Variants in ARFGEF2 observed in about 807,000 individuals in gnomAD.
ARFGEF2 encodes the protein brefeldin A-inhibited guanine nucleotide-exchange protein 2.
Under a neutral mutation model 219.9 loss-of-function variants are expected in ARFGEF2, and 74 were observed. That is an observed-to-expected ratio of 0.34 (90% CI 0.28 to 0.41). The LOEUF is 0.41. ARFGEF2 is among the 10% of genes least tolerant of loss of function. ARFGEF2 has a pLI of 1.00. For synonymous variants in ARFGEF2, 733 were observed against 799.2 expected, an observed-to-expected ratio of 0.92 and a Z score of 1.40; for missense variants, 1,743 against 2,218.3, an observed-to-expected ratio of 0.79 and a Z score of 4.30.
chr20:48,923,505 C>T (rs1291263806), intron 1 of ARFGEF2, among the ~76,000 whole-genome samples: 1 of 152,070 alleles, frequency 6.6e-6, no homozygotes, highest in Non-Finnish European at 1.5e-5. Flanking sequence ...GTTGCTAGTC[C>T]GTGAAATTCA....
intron 10 of ARFGEF2, 135 bp from the exon 11 acceptor site, chr20:48,972,191 G>C: frequency 2.9e-6 from 2 of 699,976 alleles, no homozygotes; most frequent in Non-Finnish European, 5.2e-6. Flanking sequence ...GCCCAGCCAG[G>C]TGGGCACTCC....
At chr20:48,999,487 G>A (rs1194640668) in intron 25 of ARFGEF2, among the ~76,000 whole-genome samples, 4 of 152,122 alleles carry the variant, frequency 2.6e-5, no homozygotes, top group East Asian at 1.9e-4. Context: ...CATGGCTCAC[G>A]CCTGTAATCC....
At chr20:49,025,982 GAA>G (rs3092702) in intron 36 of ARFGEF2, among the ~76,000 whole-genome samples, 7 of 127,800 alleles carry the variant, frequency 5.5e-5, no homozygotes, top group Non-Finnish European at 8.3e-5. Context: ...ACTCCATCTG[GAA>G]AAAAAAAAAA....
chr20:48,951,896 C>G (rs1275349959), intron 4 of ARFGEF2, among the ~76,000 whole-genome samples: 1 of 152,036 alleles, frequency 6.6e-6, no homozygotes, highest in Admixed American at 6.6e-5. Context: ...AGGATCAGGA[C>G]AGGTGTAGCC....
Position 48,973,170 on chromosome 20 carries a change from T to C in ARFGEF2, c.1551T>C (p.Tyr517=). ...ATGCCCAGTGTGTTGTGGATATTTA[T>C]GTCAACTACGACTGTGATTTAAATG... The part of the protein sequence containing the change: ...CADAQCVVDI[Y]VNYDCDLNAA... The change falls in exon 12 of 39, where the codon TAT becomes TAC. Residue 517 remains tyrosine (Y), a synonymous_variant. Transcript: ENST00000371917. 1 of 1,614,204 alleles carries C rather than the reference T, an allele frequency of 6.2e-7. No homozygotes were observed.
intron 22 of ARFGEF2, among the ~76,000 whole-genome samples, chr20:48,994,950 C>G (rs760771489): frequency 3.3e-5 from 5 of 152,096 alleles, no homozygotes; most frequent in Non-Finnish European, 7.3e-5. Context: ...AACATTTCTT[C>G]CATCTTTATT....
At chr20:48,936,717 G>A (rs1388361997) in intron 1 of ARFGEF2, among the ~76,000 whole-genome samples, 1 of 152,066 alleles carries the variant, frequency 6.6e-6, no homozygotes, top group Non-Finnish European at 1.5e-5. Flanking sequence ...AGTAGAGATG[G>A]GGTTTCTCTA....
At chr20:49,028,461 T>A in intron 36 of ARFGEF2, 69 bp from the exon 37 acceptor site, 1 of 1,463,488 alleles carries the variant, frequency 6.8e-7, no homozygotes, top group Non-Finnish European at 9.5e-7. Context: ...TAACTAGATT[T>A]CTAGTCATAC....
chr20:48,952,148 C>CTTT (rs11475141), intron 4 of ARFGEF2, among the ~76,000 whole-genome samples: 31 of 55,488 alleles, frequency 5.6e-4, no homozygotes, highest in African/African-American at 8.4e-4. Flanking sequence ...GAAGTTTGGC[C>CTTT]TTTTTTTTTT....
rs1447634910 is a variant in ARFGEF2, at chr20:48,976,089, G to A, written c.1848G>A (p.Thr616=). The A allele has an allele frequency of 6.8e-6, 11 of 1,613,366 alleles. No homozygotes were observed. Among genetic ancestry groups the A allele is most frequent in the South Asian group, 4.4e-5 (4 of 91,044 alleles). ...ACATGGCAAGACGGTGTAGTGTGAC[G>A]TCCATGGAGTCCACAGTGTCCTCGG... The part of the protein sequence containing the change: ...GLDMARRCSV[T]SMESTVSSGT... The change falls in exon 14 of 39, where the codon ACG becomes ACA. Residue 616 remains threonine (T), a synonymous_variant. Coordinates refer to ENST00000371917, the MANE Select transcript of ARFGEF2 (RefSeq NM_006420.3).
Position 48,998,304 on chromosome 20 carries a change from G to A in ARFGEF2, c.3263-32G>A, listed in dbSNP as rs376003844. On this transcript the variant is annotated intron_variant, in intron 24 of 38. Transcript: ENST00000371917. ...TGACCGTCTGACTGTTCCTAACGAG[G>A]CTTTGCTTGTGTTGTTGGGTCTGGC... 6 of 1,614,098 alleles carry A rather than the reference G, an allele frequency of 3.7e-6. No individual in the cohort carries two copies. In the African/African-American group the frequency reaches 8.0e-5, roughly 22 times the overall value.
chr20:48,976,012 G>T lies in ARFGEF2; in HGVS notation c.1775-4G>T, dbSNP rs372571868. The T allele has an allele frequency of 1.1e-5, 18 of 1,612,016 alleles. No homozygotes were observed. The African/African-American group carries it at 2.1e-4, about 19-fold the overall frequency. On this transcript the variant is annotated splice_polypyrimidine_tract_variant and splice_region_variant and intron_variant, in intron 13 of 38. Coordinates refer to ENST00000371917, the MANE Select transcript of ARFGEF2 (RefSeq NM_006420.3). ...TGGCTTCCTTTACTTTTGTTTCTCC[G>T]CAGGTCAGGAGAGGCTCACGGATCA...
chr20:49,006,374 G>A (rs181741106), intron 26 of ARFGEF2, among the ~76,000 whole-genome samples: 4 of 152,226 alleles, frequency 2.6e-5, no homozygotes, highest in African/African-American at 7.2e-5. Flanking sequence ...GGTGTGATGG[G>A]CATACAGGAG....
chr20:48,950,768 C>T (rs1383776027), intron 3 of ARFGEF2, among the ~76,000 whole-genome samples: 1 of 127,268 alleles, frequency 7.9e-6, no homozygotes, highest in Non-Finnish European at 1.6e-5. Context: ...TTCATTCCAG[C>T]CTAGGTAACA....
At chr20:48,952,242 A>T (rs1440736406) in intron 4 of ARFGEF2, among the ~76,000 whole-genome samples, 1 of 130,256 alleles carries the variant, frequency 7.7e-6, no homozygotes, top group Non-Finnish European at 1.5e-5. Flanking sequence ...TGCAAACTCC[A>T]CCTCACAGGT....
In ARFGEF2 at chr20:48,971,036, TA is replaced by T. The variant is rs961088315; in HGVS notation, c.1191-81del. On this transcript the variant is annotated intron_variant, in intron 9 of 38. Coordinates refer to ENST00000371917, the MANE Select transcript of ARFGEF2 (RefSeq NM_006420.3). The stretch of plus-strand genomic sequence containing the variant: ...AATTCTTTAAAATTCTACTCATTGG[TA>T]AAGGAGCAAGGCCTTCTCAAGAAAC... The T allele has an allele frequency of 1.1e-5, 12 of 1,126,002 alleles. No homozygotes were observed. In the African/African-American group the frequency reaches 1.8e-4, roughly 17 times the overall value. 69.8% of individuals were successfully genotyped at this position (1,126,002 alleles called of 1,614,324 possible).
rs1266562022 is a variant in ARFGEF2, at chr20:49,032,073, T to C, written c.5088T>C (p.Tyr1696=). The C allele has an allele frequency of 2.5e-6, 4 of 1,614,088 alleles. No individual in the cohort carries two copies. Among genetic ancestry groups the C allele is most frequent in the Non-Finnish European group, 2.5e-6 (3 of 1,179,954 alleles). The change falls in exon 38 of 39, where the codon TAT becomes TAC. Residue 1696 remains tyrosine (Y), a synonymous_variant. Coordinates refer to ENST00000371917, the MANE Select transcript of ARFGEF2 (RefSeq NM_006420.3). The part of the protein sequence containing the change: ...LLTVCSEALA[Y]FITVNSESHR... ...GTGTTTGCAGTGAAGCTCTTGCCTATTTCATCACTGTGAATTCTGAGAGCC... is the reference window on the plus strand; with the variant it reads ...GTGTTTGCAGTGAAGCTCTTGCCTACTTCATCACTGTGAATTCTGAGAGCC...
intron 3 of ARFGEF2, among the ~76,000 whole-genome samples, chr20:48,948,487 T>A (rs182204357): frequency 6.6e-6 from 1 of 152,338 alleles, no homozygotes. Context: ...TTCCTATCAC[T>A]GAGGCAAAGT....
intron 9 of ARFGEF2, among the ~76,000 whole-genome samples, chr20:48,970,320 A>T (rs1171028379): frequency 2.0e-5 from 3 of 151,824 alleles, no homozygotes; most frequent in Non-Finnish European, 4.4e-5. Flanking sequence ...ATTTTAAAAA[A>T]TAAAAATAGG....
Sources: allele counts gnomAD v4.1 joint callset (sites outside exome capture counted in the v4.1 genomes callset), GRCh38; gene constraint gnomAD v4.1.1; transcripts MANE v1.5; gene names NCBI Gene and HGNC (gene_info 2026-07-23, HGNC 2026-07-21).